THAP9: variants seen among roughly 807,000 people sequenced by gnomAD.
THAP9 encodes the protein DNA transposase THAP9.
Under a neutral mutation model 35.7 loss-of-function variants are expected in THAP9, and 20 were observed. That is an observed-to-expected ratio of 0.56 (90% confidence interval 0.39 to 0.81). THAP9 has a LOEUF of 0.81. THAP9 is among the 40% of genes least tolerant of loss of function. The pLI is 0.00. For missense variants in THAP9, 870 were observed against 1,047.4 expected (o/e 0.83, Z 2.34); for synonymous variants, 335 against 373.7 (o/e 0.90, Z 1.19).
intron 4 of THAP9, among the ~76,000 whole-genome samples, chr4:82,914,410 C>T (rs893851638): frequency 6.6e-6 from 1 of 152,148 alleles, no homozygotes; most frequent in Non-Finnish European, 1.5e-5. Context: ...CTTTCCACAA[C>T]AATTGAATTA....
At chr4:82,901,899 C>G in intron 1 of THAP9, among the ~76,000 whole-genome samples, 1 of 152,042 alleles carries the variant, frequency 6.6e-6, no homozygotes, top group East Asian at 1.9e-4. Context: ...GATGTCTGTA[C>G]TTGGCTCTGG....
intron 4 of THAP9, among the ~76,000 whole-genome samples, chr4:82,911,441 A>G (rs1720862983): frequency 6.6e-6 from 1 of 152,148 alleles, no homozygotes; most frequent in African/African-American, 2.4e-5. Context: ...AAAATAAAAA[A>G]AAATTAGCCG....
In THAP9 at chr4:82,917,553, A is replaced by G. The variant is rs1296575066; in HGVS notation, c.1341A>G (p.Leu447=). 7 of 1,614,046 alleles carry G rather than the reference A, an allele frequency of 4.3e-6. No homozygotes were observed. Among genetic ancestry groups the G allele is most frequent in the Non-Finnish European group, 5.9e-6 (7 of 1,179,920 alleles). ...CACATTGGCAGCACCTCGTGGAGTT[A>G]GTAGCACTGGAGGAACAGGAATTAT... The part of the protein sequence containing the change: ...GIAHWQHLVE[L]VALEEQELSN... The change falls in exon 5 of 5, where the codon TTA becomes TTG. Residue 447 remains leucine (L), a synonymous_variant. Transcript: ENST00000302236.
At position 82,918,638 on chromosome 4, in the gene THAP9, G is replaced by A; in HGVS notation, c.2426G>A (p.Gly809Glu). 6.2e-7 allele frequency: 1 copy of A among 1,613,972 alleles called. No individual in the cohort carries two copies. The highest frequency in any genetic ancestry group is 8.5e-7 in the Non-Finnish European group (1 of 1,179,962). ...CAGAAAATATTATGTGAGCTTTCTG[G>A]GCATATTAATCTTTTTGTAGATGTG... is the stretch of plus-strand genomic sequence containing the variant. ...LQQKILCELS[G>E]HINLFVDVNK... The change falls in exon 5 of 5, where the codon GGG becomes GAG. Residue 809 changes from glycine (G) to glutamate (E), a missense_variant. Coordinates refer to ENST00000302236, the MANE Select transcript of THAP9 (RefSeq NM_024672.6).
At chr4:82,909,940 A>G (rs1720805994) in intron 4 of THAP9, 1 of 152,154 alleles carries the variant, frequency 6.6e-6, no homozygotes, top group African/African-American at 2.4e-5. Flanking sequence ...TCCATCATTT[A>G]TAAATCCAAA....
chr4:82,907,914 C>A lies in THAP9; in HGVS notation c.710C>A (p.Pro237His). The change falls in exon 4 of 5, where the codon CCT becomes CAT. Residue 237 changes from proline to histidine, a missense_variant. Physicochemically the swap from Pro to His is moderately conservative, Grantham distance 77 (BLOSUM62 -2). Transcript: ENST00000302236. ...YDYVRKILKL[P>H]HSSILRTWLS... Reference sequence around the variant, plus strand: ...TATGTAAGAAAGATTCTTAAGCTGCCTCATTCTTCCATCCTCAGAACGTAA... The same window carrying A: ...TATGTAAGAAAGATTCTTAAGCTGCATCATTCTTCCATCCTCAGAACGTAA... 6.2e-7 allele frequency: 1 copy of A among 1,608,782 alleles called. No homozygotes were observed. Among genetic ancestry groups the A allele is most frequent in the Admixed American group, 1.7e-5 (1 of 58,972 alleles).
intron 1 of THAP9, 61 bp downstream of exon 1, chr4:82,900,943 G>T: frequency 6.3e-7 from 1 of 1,594,164 alleles, no homozygotes; most frequent in Non-Finnish European, 8.6e-7. Flanking sequence ...GGGCCGTGGC[G>T]TGGCGTGGGG....
chr4:82,900,837 C>T lies in THAP9; in HGVS notation c.35C>T (p.Thr12Ile), dbSNP rs1016956712. The T allele has an allele frequency of 6.2e-7, 1 of 1,613,494 alleles. No individual in the cohort carries two copies. Among genetic ancestry groups the T allele is most frequent in the Non-Finnish European group, 8.5e-7 (1 of 1,180,046 alleles). ...AGTTGCTCCGCAGTGGGCTGCAGCA[C>T]CCGTGACACCGTGCTCAGCCGGGAG... ...TRSCSAVGCS[T>I]RDTVLSRERG... is the part of the protein sequence containing the mutation. The change falls in exon 1 of 5, where the codon ACC (threonine) becomes ATC (isoleucine). Residue 12 changes from threonine to isoleucine, a missense_variant. By Grantham distance (89) the Thr-to-Ile change is moderately conservative. Transcript: ENST00000302236.
chr4:82,901,695 G>A (rs1016087557), intron 1 of THAP9, among the ~76,000 whole-genome samples: 2 of 138,216 alleles, frequency 1.4e-5, no homozygotes, highest in African/African-American at 5.6e-5. Context: ...GGTAGGCTAT[G>A]TATAAAATTC....
chr4:82,910,627 A>G, intron 4 of THAP9: 1 of 425,030 alleles, frequency 2.4e-6, no homozygotes, highest in South Asian at 3.3e-5. Context: ...TTTTTAACAC[A>G]GTTATCTTAA....
At chr4:82,913,729 CT>C (rs983979882) in intron 4 of THAP9, among the ~76,000 whole-genome samples, 29 of 146,274 alleles carry the variant, frequency 2.0e-4, no homozygotes, top group South Asian at 1.1e-3. Context: ...AAGTTCTCAT[CT>C]TTTTTTTTTT....
chr4:82,918,922 TGAG>T lies in THAP9; in HGVS notation c.2711_*1del. ...AAGTAACGATGGATATCCATTCAAA[TGAG>T]AGACCTAAAATATATTAACATTTTA... On this transcript the variant is annotated stop_retained_variant and 3_prime_UTR_variant, in exon 5 of 5. Coordinates refer to ENST00000302236, the MANE Select transcript of THAP9 (RefSeq NM_024672.6). The T allele has an allele frequency of 2.6e-5, 41 of 1,573,518 alleles. No individual in the cohort carries two copies. Among genetic ancestry groups the T allele is most frequent in the Non-Finnish European group, 3.4e-5 (40 of 1,160,926 alleles).
intron 3 of THAP9, 96 bp downstream of exon 3, chr4:82,906,723 T>C: frequency 2.4e-6 from 3 of 1,236,190 alleles, no homozygotes; most frequent in Non-Finnish European, 3.3e-6. Flanking sequence ...GAAAACATGC[T>C]TTCAGTTGGG....
intron 4 of THAP9, among the ~76,000 whole-genome samples, chr4:82,914,069 G>A (rs1448266241): frequency 6.6e-6 from 1 of 152,118 alleles, no homozygotes; most frequent in Admixed American, 6.6e-5. Flanking sequence ...ACTTATAATT[G>A]AGAACATGCA....
Position 82,900,826 on chromosome 4 carries a change from G to T in THAP9, c.24G>T (p.Val8=). 2 of 1,613,672 alleles carry T rather than the reference G, an allele frequency of 1.2e-6. No homozygotes were observed. The highest frequency in any genetic ancestry group is 1.7e-6 in the Non-Finnish European group (2 of 1,180,024). ...AGATGACCCGAAGTTGCTCCGCAGTGGGCTGCAGCACCCGTGACACCGTGC... is the reference window on the plus strand; with the variant it reads ...AGATGACCCGAAGTTGCTCCGCAGTTGGCTGCAGCACCCGTGACACCGTGC... MTRSCSA[V]GCSTRDTVLS... The change falls in exon 1 of 5, where the codon GTG becomes GTT. Residue 8 remains valine (V), a synonymous_variant. Coordinates refer to ENST00000302236, the MANE Select transcript of THAP9 (RefSeq NM_024672.6).
At chr4:82,913,641 G>T (rs988348397) in intron 4 of THAP9, among the ~76,000 whole-genome samples, 3 of 151,930 alleles carry the variant, frequency 2.0e-5, no homozygotes, top group Non-Finnish European at 2.9e-5. Flanking sequence ...TGTCGTGGGG[G>T]TTTGTTGTAC....
chr4:82,901,086 T>G, intron 1 of THAP9: 1 of 726,012 alleles, frequency 1.4e-6, no homozygotes, highest in Non-Finnish European at 2.5e-6. Context: ...TGTTTACCTC[T>G]GAATAGCCGG....
intron 4 of THAP9, among the ~76,000 whole-genome samples, chr4:82,908,966 G>A (rs867850516): frequency 6.6e-6 from 1 of 150,626 alleles, no homozygotes; most frequent in African/African-American, 2.4e-5. Context: ...GTGCAGTGGT[G>A]CGAGATCTTG....
chr4:82,903,957 G>A (rs540136983), intron 1 of THAP9, among the ~76,000 whole-genome samples: 101 of 151,992 alleles, frequency 6.6e-4, no homozygotes, highest in Middle Eastern at 6.8e-3. Context: ...CCTTTATGAC[G>A]TAGTCTGTGG....
Sources: gnomAD v4.1 joint callset for allele counts (sites outside exome capture counted in the v4.1 genomes callset) on GRCh38, gnomAD v4.1.1 for gene constraint, MANE v1.5 for transcripts, NCBI Gene and HGNC (gene_info 2026-07-23, HGNC 2026-07-21) for gene names.